Variants in DMD observed in about 807,000 individuals in gnomAD.
The protein encoded by DMD is dystrophin.
In DMD, 63 loss-of-function variants were observed where a neutral mutation model predicts 330.1. The observed-to-expected ratio is 0.19, with a 90% confidence interval of 0.16 to 0.24. DMD has a LOEUF of 0.24. Among genes scored for constraint, DMD ranks in the 10% least tolerant of loss-of-function variants. The pLI is 1.00. For missense variants in DMD, 3,344 were observed against 2,684.1 expected (o/e 1.25, Z -5.43); for synonymous variants, 1,223 against 959.8 (o/e 1.27, Z -5.07).
intron 63 of DMD, among the ~76,000 whole-genome samples, chrX:31,240,810 C>T (rs2048189134): frequency 9.0e-6 from 1 of 111,494 alleles, no homozygotes. Context: ...TATTTCAATC[C>T]CATTTTATAA....
rs981355553 is a variant in DMD at position 31,540,794 on chromosome X, A to G, written c.8218-33341T>C. Among the ~76,000 whole-genome samples the G allele has an allele frequency of 4.5e-5, 5 of 112,332 alleles. 1 individual carries two copies. ...ACAAAATGACCTTCGCACAAAGTTAACTTATTAAGAAGCAAGGAAAATAGG... is the reference window on the plus strand; with the variant it reads ...ACAAAATGACCTTCGCACAAAGTTAGCTTATTAAGAAGCAAGGAAAATAGG... On this transcript the variant is annotated intron_variant, in intron 55 of 78. Coordinates refer to ENST00000357033, the MANE Select transcript of DMD (RefSeq NM_004006.3).
At chrX:32,332,635 G>GA (rs1203613982) in intron 41 of DMD, among the ~76,000 whole-genome samples, 2 of 110,621 alleles carry the variant, frequency 1.8e-5, no homozygotes, top group African/African-American at 6.6e-5. Context: ...TGGAGCAGAG[G>GA]AAAGTATTAA....
chrX:31,867,417 G>T (rs377686787), intron 48 of DMD, among the ~76,000 whole-genome samples: 82 of 110,984 alleles, frequency 7.4e-4, no homozygotes, highest in African/African-American at 1.5e-3. Context: ...AGGTAGCCAT[G>T]CATTCTTTCA....
At chrX:31,621,878 C>T (rs576880319) in intron 55 of DMD, among the ~76,000 whole-genome samples, 1 of 112,052 alleles carries the variant, frequency 8.9e-6, no homozygotes, top group Non-Finnish European at 1.9e-5. Context: ...TCCTCTATCA[C>T]GAATGCTCTT....
chrX:31,137,013 TTTTTTCTC>T (rs1242489909), intron 76 of DMD, among the ~76,000 whole-genome samples: 5 of 111,542 alleles, frequency 4.5e-5, no homozygotes, highest in African/African-American at 9.8e-5. Flanking sequence ...ATGCATTGCT[TTTTTTCTC>T]TTTTTCTTTT....
intron 44 of DMD, among the ~76,000 whole-genome samples, chrX:32,083,086 A>C (rs1158852982): frequency 9.0e-6 from 1 of 111,701 alleles, no homozygotes; most frequent in Non-Finnish European, 1.9e-5. Flanking sequence ...AAAGCACTAC[A>C]TGTATTTGAC....
chrX:31,347,255 C>G, intron 61 of DMD, among the ~76,000 whole-genome samples: 1 of 110,290 alleles, frequency 9.1e-6, no homozygotes, highest in African/African-American at 3.3e-5. Context: ...ACAATTCAAG[C>G]CCTTTCTTCT....
At chrX:31,380,957 G>A (rs1169803847) in intron 60 of DMD, among the ~76,000 whole-genome samples, 2 of 110,694 alleles carry the variant, frequency 1.8e-5, no homozygotes, top group Admixed American at 1.9e-4. Context: ...AAAAACACAC[G>A]TGCTCTCCCT....
At chrX:32,005,419 A>G (rs1351972420) in intron 44 of DMD, among the ~76,000 whole-genome samples, 1 of 111,276 alleles carries the variant, frequency 9.0e-6, no homozygotes, top group Admixed American at 9.6e-5. Flanking sequence ...AATTATACGT[A>G]TTCCTCTCTG....
At chrX:32,317,700 G>A in intron 41 of DMD, among the ~76,000 whole-genome samples, 1 of 111,035 alleles carries the variant, frequency 9.0e-6, no homozygotes, top group Middle Eastern at 4.6e-3. Context: ...TGTGCTATAT[G>A]ACATATGATT....
chrX:33,031,025 TAATAA>T (rs1347488073), intron 1 of DMD, among the ~76,000 whole-genome samples: 3 of 111,610 alleles, frequency 2.7e-5, no homozygotes, highest in Non-Finnish European at 5.6e-5. Context: ...GAGTAAAGGT[TAATAA>T]AATGGCATAG....
At chrX:33,123,713 C>T (rs756308302) in intron 1 of DMD, among the ~76,000 whole-genome samples, 3 of 103,483 alleles carry the variant, frequency 2.9e-5, no homozygotes, top group Non-Finnish European at 5.8e-5. Context: ...CCACCACGCC[C>T]GGTTCAAATG....
At chrX:32,723,402 T>C (rs1013609252) in intron 7 of DMD, among the ~76,000 whole-genome samples, 1 of 111,479 alleles carries the variant, frequency 9.0e-6, no homozygotes, top group South Asian at 3.7e-4. Flanking sequence ...CGGTGTCTGT[T>C]TGACTTTCGT....
At chrX:32,147,900 T>C (rs1217752511) in intron 44 of DMD, among the ~76,000 whole-genome samples, 13 of 99,674 alleles carry the variant, frequency 1.3e-4, no homozygotes, top group African/African-American at 2.2e-4. Flanking sequence ...TTTTTTGAGA[T>C]GGAGTCTCGC....
intron 7 of DMD, among the ~76,000 whole-genome samples, chrX:32,765,609 T>C (rs2072887574): frequency 8.9e-6 from 1 of 112,027 alleles, no homozygotes; most frequent in African/African-American, 3.2e-5. Context: ...TGGATATTAA[T>C]TCCCTATTGA....
chrX:32,915,580 C>A (rs973538596), intron 2 of DMD, among the ~76,000 whole-genome samples: 7 of 111,229 alleles, frequency 6.3e-5, no homozygotes, highest in Non-Finnish European at 1.1e-4. Flanking sequence ...TCCTTAGTAC[C>A]ACCACTGAAG....
chrX:31,946,214 G>A (rs1174286624), intron 45 of DMD, among the ~76,000 whole-genome samples: 1 of 111,596 alleles, frequency 9.0e-6, no homozygotes, highest in Non-Finnish European at 1.9e-5. Context: ...CATTGAAATT[G>A]AGCCCTGAAA....
At chrX:31,335,599 A>G (rs895343368) in intron 61 of DMD, among the ~76,000 whole-genome samples, 11 of 111,956 alleles carry the variant, frequency 9.8e-5, no homozygotes, top group African/African-American at 2.6e-4. Context: ...TGCTGTCCCC[A>G]AAGTCCTTAC....
rs1260086721 is a variant in DMD at position 31,426,238 on chromosome X, A to G, written c.9084+18243T>C. On this transcript the variant is annotated intron_variant, in intron 60 of 78. Transcript: ENST00000357033. Reference sequence around the variant, plus strand: ...ATATTCCCAAGTCTATTGCATCAGAATCTCCAGTGAAGGGGCTTGTGAATT... The same window carrying G: ...ATATTCCCAAGTCTATTGCATCAGAGTCTCCAGTGAAGGGGCTTGTGAATT... Among the ~76,000 whole-genome samples the G allele has an allele frequency of 2.7e-5, 3 of 112,301 alleles. No homozygotes were observed. The East Asian group carries it at 8.3e-4, about 31-fold the overall frequency.
Sources: allele counts gnomAD v4.1 joint callset (sites outside exome capture counted in the v4.1 genomes callset), GRCh38; gene constraint gnomAD v4.1.1; transcripts MANE v1.5; gene names NCBI Gene and HGNC (gene_info 2026-07-23, HGNC 2026-07-21).